The following GRHPR variants were observed in gnomAD, a reference collection of about 807,000 sequenced individuals.
GRHPR encodes glyoxylate reductase/hydroxypyruvate reductase.
A neutral mutation model predicts 36.8 loss-of-function variants in GRHPR; 35 were observed. That is an observed-to-expected ratio of 0.95 (90% CI 0.73 to 1.26). GRHPR has a LOEUF of 1.26. Among genes scored for constraint, GRHPR ranks in the 50% most tolerant of loss-of-function variants. The probability of loss-of-function intolerance (pLI) is 0.00; values close to 1 mark genes in which losing one functional copy is unlikely to be tolerated. For missense variants in GRHPR, 380 were observed against 435.0 expected, an observed-to-expected ratio of 0.87 and a Z score of 1.12; for synonymous variants, 179 against 181.0, an observed-to-expected ratio of 0.99 and a Z score of 0.09.
At chr9:37,434,516 C>T in intron 8 of GRHPR, 1 of 439,538 alleles carries the variant, frequency 2.3e-6, no homozygotes, top group South Asian at 3.3e-5. Flanking sequence ...GAGGAAAAGC[C>T]CGCAGAACAT....
intron 1 of GRHPR, 59 bp downstream of exon 1, chr9:37,422,892 G>A (rs778464174): frequency 1.4e-4 from 183 of 1,295,018 alleles, no homozygotes; most frequent in Non-Finnish European, 1.9e-4. Context: ...CCGGAGAGCC[G>A]GGCGGGGCGT....
Position 37,430,598 on chromosome 9 carries a change from ACTT to A in GRHPR, c.691_693del (p.Phe231del), listed in dbSNP as rs754788389. ...GCAACCGAGGGACTCTGCAACAAGG[ACTT>A]CTTCCAGAAGATGAAGGAAACAGCT... On this transcript the variant is annotated inframe_deletion, in exon 7 of 9. Transcript: ENST00000318158. 3 of 1,613,420 alleles carry A rather than the reference ACTT, an allele frequency of 1.9e-6. No homozygotes were observed. Among genetic ancestry groups the A allele is most frequent in the Admixed American group, 3.3e-5 (2 of 60,020 alleles).
intron 4 of GRHPR, 157 bp from the exon 5 acceptor site, chr9:37,428,327 A>G (rs1564298873): frequency 3.0e-6 from 2 of 674,084 alleles, no homozygotes; most frequent in Admixed American, 1.9e-5. Context: ...TCTGCTGCTC[A>G]TCTGCAGTGC....
chr9:37,436,753 G>T lies in GRHPR; in HGVS notation c.958G>T (p.Glu320Ter), dbSNP rs1331106064. 3 of 1,613,946 alleles carry T rather than the reference G, an allele frequency of 1.9e-6. No individual in the cohort carries two copies. The highest frequency in any genetic ancestry group is 2.5e-6 in the Non-Finnish European group (3 of 1,179,964). Residue 320 changes from glutamate (E) to a stop codon, truncating the protein, a stop_gained, in exon 9 of 9, where the codon GAG becomes TAG. Coordinates refer to ENST00000318158, the MANE Select transcript of GRHPR (RefSeq NM_012203.2). LOFTEE classifies it high-confidence loss of function. ...CAACTTGCTGGCTGGCCTGAGAGGG[G>T]AGCCGATGCCTAGTGAACTCAAGCT... The part of the protein sequence containing the change: ...ANNLLAGLRG[E>*]PMPSELKL
At chr9:37,424,579 G>A (rs1246396039) in intron 1 of GRHPR, among the ~76,000 whole-genome samples, 2 of 152,236 alleles carry the variant, frequency 1.3e-5, no homozygotes, top group Non-Finnish European at 2.9e-5. Context: ...TGTGAATGTG[G>A]GAAAGCTCTT....
chr9:37,429,720 TCC>T lies in GRHPR; in HGVS notation c.494-11_494-10del. 6.3e-7 allele frequency: 1 copy of T among 1,577,962 alleles called. No homozygotes were observed. Among genetic ancestry groups the T allele is most frequent in the Middle Eastern group, 1.7e-4 (1 of 6,008 alleles). On this transcript the variant is annotated splice_polypyrimidine_tract_variant and intron_variant, in intron 5 of 8. Coordinates refer to ENST00000318158, the MANE Select transcript of GRHPR (RefSeq NM_012203.2). ...GGGACTGGGAACGAGACATGGACTC[TCC>T]TTGCTCTAGGCCAGGCCATTGCTCG... is the stretch of plus-strand genomic sequence containing the variant.
Position 37,426,573 on chromosome 9 carries a change from C to G in GRHPR, c.323C>G (p.Thr108Arg). ...GTTGGCTACACCCCAGATGTCCTGA[C>G]AGATACCACCGCCGAACTCGCAGTC... Reference protein sequence around the residue: ...IRVGYTPDVLTDTTAELAVSL... With the variant: ...IRVGYTPDVLRDTTAELAVSL... The change falls in exon 4 of 9, where the codon ACA becomes AGA. Residue 108 changes from threonine (T) to arginine (R), a missense_variant. By Grantham distance (71) the Thr-to-Arg change is moderately conservative (BLOSUM62 -1). Transcript: ENST00000318158. 6.2e-7 allele frequency: 1 copy of G among 1,613,776 alleles called. No homozygotes were observed. Among genetic ancestry groups the G allele is most frequent in the African/African-American group, 1.3e-5 (1 of 75,028 alleles).
intron 4 of GRHPR, 194 bp from the exon 5 acceptor site, chr9:37,428,290 T>C: frequency 1.6e-6 from 1 of 633,612 alleles, no homozygotes. Context: ...GTTCTATGTC[T>C]CTGGTGGCTT....
chr9:37,434,286 A>C lies in GRHPR; in HGVS notation c.865+2148A>C, dbSNP rs562408246. 4 of 452,500 alleles carry C rather than the reference A, an allele frequency of 8.8e-6. No homozygotes were observed. The East Asian group carries it at 1.3e-4, about 15-fold the overall frequency. The allele number at this position is 452,500 out of a possible 1,614,324, so 28.0% of individuals were successfully genotyped here. ...CCCCAGTGATCCCTATGGGGGGAGC[A>C]CGGATTGAGGCTGCCAAATGGAGAC... On this transcript the variant is annotated intron_variant, in intron 8 of 8. Coordinates refer to ENST00000318158, the MANE Select transcript of GRHPR (RefSeq NM_012203.2).
intron 5 of GRHPR, 195 bp from the exon 6 acceptor site, chr9:37,429,537 G>C (rs761441279): frequency 4.5e-6 from 3 of 664,574 alleles, no homozygotes; most frequent in Non-Finnish European, 5.5e-6. Context: ...AGATCCCTGG[G>C]GCAGTGTGGG....
chr9:37,427,285 C>T (rs1481061779), intron 4 of GRHPR, among the ~76,000 whole-genome samples: 1 of 152,114 alleles, frequency 6.6e-6, no homozygotes, highest in Admixed American at 6.5e-5. Flanking sequence ...CCCTTAGATC[C>T]CAAAATCTAA....
downstream of GRHPR, among the ~76,000 whole-genome samples, chr9:37,437,566 C>G (rs529261429): frequency 6.6e-6 from 1 of 152,282 alleles, no homozygotes; most frequent in South Asian, 2.1e-4. Flanking sequence ...GGACGTAACT[C>G]TTATTTTGGT....
chr9:37,430,606 C>G lies in GRHPR; in HGVS notation c.694C>G (p.Gln232Glu). 6.2e-7 allele frequency: 1 copy of G among 1,613,812 alleles called. No individual in the cohort carries two copies. The highest frequency in any genetic ancestry group is 8.5e-7 in the Non-Finnish European group (1 of 1,179,712). The change falls in exon 7 of 9, where the codon CAG becomes GAG. Residue 232 changes from glutamine to glutamate, a missense_variant. Transcript: ENST00000318158. Reference sequence around the variant, plus strand: ...GGGACTCTGCAACAAGGACTTCTTCCAGAAGATGAAGGAAACAGCTGTGTT... The same window carrying G: ...GGGACTCTGCAACAAGGACTTCTTCGAGAAGATGAAGGAAACAGCTGTGTT... ...TEGLCNKDFF[Q>E]KMKETAVFIN...
At chr9:37,437,326 TG>T (rs1179129145), downstream of GRHPR, among the ~76,000 whole-genome samples, 1 of 152,210 alleles carries the variant, frequency 6.6e-6, no homozygotes, top group African/African-American at 2.4e-5. Context: ...TGCCTGGCTC[TG>T]CTTCCCACCC....
chr9:37,428,511 C>G lies in GRHPR; in HGVS notation c.432C>G (p.Leu144=). 1.2e-6 allele frequency: 2 copies of G among 1,612,552 alleles called. No individual in the cohort carries two copies. Among genetic ancestry groups the G allele is most frequent in the Non-Finnish European group, 1.7e-6 (2 of 1,179,310 alleles). ...GTGGCTGGACCTCGTGGAAGCCCCTCTGGCTGTGTGGCTATGGACTCACGC... is the reference window on the plus strand; with the variant it reads ...GTGGCTGGACCTCGTGGAAGCCCCTGTGGCTGTGTGGCTATGGACTCACGC... ...KNGGWTSWKP[L]WLCGYGLTQS... The change falls in exon 5 of 9, where the codon CTC becomes CTG. Residue 144 remains leucine (L), a synonymous_variant. Transcript: ENST00000318158.
At chr9:37,425,861 C>G in intron 2 of GRHPR, 61 bp from the exon 3 acceptor site, 1 of 1,027,528 alleles carries the variant, frequency 9.7e-7, no homozygotes, top group Non-Finnish European at 1.6e-6. Context: ...TGATAGTCCC[C>G]AGTGCTGTGG....
chr9:37,427,448 A>C (rs1203610202), intron 4 of GRHPR, among the ~76,000 whole-genome samples: 1 of 152,188 alleles, frequency 6.6e-6, no homozygotes, highest in Non-Finnish European at 1.5e-5. Context: ...TGATGTGTGG[A>C]ATCTACCACG....
At chr9:37,423,707 G>A (rs1199260150) in intron 1 of GRHPR, among the ~76,000 whole-genome samples, 1 of 151,288 alleles carries the variant, frequency 6.6e-6, no homozygotes, top group East Asian at 2.0e-4. Flanking sequence ...ACTCCTGTAC[G>A]AAGGGATCCT....
intron 8 of GRHPR, among the ~76,000 whole-genome samples, chr9:37,435,476 A>G (rs1823595898): frequency 6.7e-6 from 1 of 149,282 alleles, no homozygotes; most frequent in Admixed American, 6.7e-5. Flanking sequence ...GTTCATTGTT[A>G]TTCTGAAAGC....
Sources: gnomAD v4.1 joint callset for allele counts (sites outside exome capture counted in the v4.1 genomes callset) on GRCh38, gnomAD v4.1.1 for gene constraint, MANE v1.5 for transcripts, NCBI Gene and HGNC (gene_info 2026-07-23, HGNC 2026-07-21) for gene names.